The following ITGA8 variants were observed in gnomAD, a reference collection of about 807,000 sequenced individuals.
The protein encoded by ITGA8 is integrin subunit alpha 8, also known as integrin alpha-8.
A neutral mutation model predicts 142.3 loss-of-function variants in ITGA8; 91 were observed. The observed-to-expected ratio is 0.64, with a 90% CI of 0.54 to 0.76. The LOEUF (loss-of-function observed/expected upper bound fraction) is 0.76, where lower values mean the gene tolerates loss of function less well. Ranked by LOEUF, ITGA8 falls within the 30% of genes least tolerant of loss-of-function variation. The probability of loss-of-function intolerance (pLI) is 0.00; values close to 1 mark genes in which losing one functional copy is unlikely to be tolerated. For missense variants in ITGA8, 1,406 were observed against 1,327.7 expected (o/e 1.06, Z -0.92); for synonymous variants, 505 against 485.2 (o/e 1.04, Z -0.54).
At chr10:15,634,782 A>G (rs895942110) in intron 13 of ITGA8, among the ~76,000 whole-genome samples, 21 of 152,174 alleles carry the variant, frequency 1.4e-4, no homozygotes, top group Admixed American at 6.5e-5. Flanking sequence ...AGAACTGTAG[A>G]GGGACAAATG....
At position 15,613,647 on chromosome 10, in the gene ITGA8, C is replaced by G; in HGVS notation, c.1553+13G>C. The G allele has an allele frequency of 6.5e-7, 1 of 1,545,832 alleles. No homozygotes were observed. Among genetic ancestry groups the G allele is most frequent in the Non-Finnish European group, 8.9e-7 (1 of 1,118,274 alleles). ...ATTCACATTGGAGTTTGAGAAGCACCGGACTAACTCACCAGGCAGCAGATG... is the reference window on the plus strand; with the variant it reads ...ATTCACATTGGAGTTTGAGAAGCACGGGACTAACTCACCAGGCAGCAGATG... On this transcript the variant is annotated intron_variant, in intron 15 of 29. Transcript: ENST00000378076.
chr10:15,579,839 CA>C (rs916216242), intron 23 of ITGA8, among the ~76,000 whole-genome samples: 1 of 151,444 alleles, frequency 6.6e-6, no homozygotes, highest in Non-Finnish European at 1.5e-5. Flanking sequence ...TGAGTTATAA[CA>C]AAAAAACCCA....
At chr10:15,586,049 A>AT (rs59435924) in intron 23 of ITGA8, among the ~76,000 whole-genome samples, 7,015 of 76,840 alleles carry the variant, frequency 0.091, 1,455 homozygotes, top group Non-Finnish European at 0.12. Flanking sequence ...GAATAAAGTG[A>AT]TTTTTTTTTT....
intron 2 of ITGA8, among the ~76,000 whole-genome samples, chr10:15,710,274 A>T (rs761870553): frequency 4.6e-5 from 7 of 152,218 alleles, no homozygotes; most frequent in Non-Finnish European, 1.0e-4. Flanking sequence ...CTGAAACACA[A>T]ATCTTCTCAT....
intron 22 of ITGA8, among the ~76,000 whole-genome samples, chr10:15,590,965 A>C (rs183491665): frequency 9.8e-4 from 149 of 152,292 alleles, no homozygotes; most frequent in Middle Eastern, 6.8e-3. Context: ...GTGGGAGAAT[A>C]ATTTGTGACA....
At chr10:15,549,201 GTTTTTTT>G (rs67683436) in intron 26 of ITGA8, among the ~76,000 whole-genome samples, 12 of 107,338 alleles carry the variant, frequency 1.1e-4, no homozygotes, top group African/African-American at 5.4e-4. Context: ...TTTCTTTTCT[GTTTTTTT>G]TTTTTTTTTT....
chr10:15,560,510 T>C (rs1833955986), intron 25 of ITGA8, among the ~76,000 whole-genome samples: 1 of 152,158 alleles, frequency 6.6e-6, no homozygotes, highest in African/African-American at 2.4e-5. Flanking sequence ...AAAACAAATA[T>C]TGATGTTTGT....
At chr10:15,635,388 G>A (rs750270052) in intron 13 of ITGA8, among the ~76,000 whole-genome samples, 33 of 152,104 alleles carry the variant, frequency 2.2e-4, no homozygotes, top group Non-Finnish European at 4.4e-4. Context: ...ATCTAGATCT[G>A]GGATGATAGT....
intron 2 of ITGA8, among the ~76,000 whole-genome samples, chr10:15,689,858 T>A (rs1834900373): frequency 6.6e-6 from 1 of 152,150 alleles, no homozygotes. Context: ...TGCTGCCAGC[T>A]ACTCAGAGTG....
intron 27 of ITGA8, among the ~76,000 whole-genome samples, chr10:15,534,708 G>A (rs1833383485): frequency 1.3e-5 from 2 of 150,892 alleles, no homozygotes; most frequent in African/African-American, 5.0e-5. Flanking sequence ...TTCCTTTGAA[G>A]GGGATATTGA....
At position 15,690,513 on chromosome 10, in the gene ITGA8, C is replaced by A. The variant is rs113663931; in HGVS notation, c.344-2475G>T. 7.8e-3 allele frequency among the ~76,000 whole-genome samples: 1,184 copies of A among 152,170 alleles called. 18 individuals are homozygous for A. The highest frequency in any genetic ancestry group is 0.027 in the African/African-American group (1,105 of 41,518). On this transcript the variant is annotated intron_variant, in intron 2 of 29. Transcript: ENST00000378076. ...CATCTACCCACACCTGAAGAGTGAA[C>A]CTGTGCCCTCGTCACAGGGGCTACA...
At chr10:15,695,531 A>G (rs982314481) in intron 2 of ITGA8, among the ~76,000 whole-genome samples, 3 of 152,176 alleles carry the variant, frequency 2.0e-5, no homozygotes, top group Non-Finnish European at 4.4e-5. Flanking sequence ...TACTATGTCA[A>G]CCTAGTGCTC....
At chr10:15,666,464 A>T (rs1834394046) in intron 8 of ITGA8, among the ~76,000 whole-genome samples, 1 of 152,184 alleles carries the variant, frequency 6.6e-6, no homozygotes, top group African/African-American at 2.4e-5. Context: ...TCATCTGCAA[A>T]CAGGGACAAT....
chr10:15,664,213 T>C (rs1172598323), intron 8 of ITGA8, among the ~76,000 whole-genome samples: 2 of 152,132 alleles, frequency 1.3e-5, no homozygotes, highest in African/African-American at 4.8e-5. Flanking sequence ...ACAGAGATAG[T>C]AAGAAGTGAG....
intron 24 of ITGA8, 90 bp from the exon 25 acceptor site, chr10:15,572,459 C>A: frequency 8.3e-7 from 1 of 1,203,522 alleles, no homozygotes; most frequent in Non-Finnish European, 1.2e-6. Flanking sequence ...TTTTAGAAAG[C>A]ATGTATTATT....
chr10:15,610,063 T>A (rs1483298435), intron 15 of ITGA8, among the ~76,000 whole-genome samples: 1 of 152,228 alleles, frequency 6.6e-6, no homozygotes, highest in Non-Finnish European at 1.5e-5. Flanking sequence ...GTTTTCTGAA[T>A]ATCATTACCA....
In ITGA8 at chr10:15,647,054, G is replaced by A. The variant is rs1564390459; in HGVS notation, c.1002-3C>T. The stretch of plus-strand genomic sequence containing the variant: ...CCCCAACCAGGACATCATCCAGTCT[G>A]TAAGGAACAAAGAAAGCAGCTCAGC... On this transcript the variant is annotated splice_region_variant and splice_polypyrimidine_tract_variant and intron_variant, in intron 11 of 29. Coordinates refer to ENST00000378076, the MANE Select transcript of ITGA8 (RefSeq NM_003638.3). The A allele has an allele frequency of 1.2e-6, 2 of 1,612,012 alleles. No individual in the cohort carries two copies. The highest frequency in any genetic ancestry group is 1.7e-6 in the Non-Finnish European group (2 of 1,179,212).
chr10:15,523,698 T>C (rs1319461563), intron 28 of ITGA8, among the ~76,000 whole-genome samples: 4 of 147,874 alleles, frequency 2.7e-5, no homozygotes, highest in Non-Finnish European at 4.4e-5. Context: ...TCACTTGAGG[T>C]CAGGAGTTCG....
chr10:15,656,076 C>T (rs1013811882), intron 10 of ITGA8, among the ~76,000 whole-genome samples: 11 of 152,100 alleles, frequency 7.2e-5, no homozygotes, highest in African/African-American at 2.2e-4. Flanking sequence ...CAGAGAGAGA[C>T]CCTGTCTCAA....
Sources: allele counts gnomAD v4.1 joint callset (sites outside exome capture counted in the v4.1 genomes callset), GRCh38; gene constraint gnomAD v4.1.1; transcripts MANE v1.5; gene names NCBI Gene and HGNC (gene_info 2026-07-23, HGNC 2026-07-21).